The following PPHLN1 variants were observed in gnomAD, a reference collection of about 807,000 sequenced individuals.
PPHLN1 encodes periphilin 1, also known as periphilin-1.
In PPHLN1, 29 loss-of-function variants were observed where a neutral mutation model predicts 51.3. The observed-to-expected ratio is 0.57, with a 90% CI of 0.42 to 0.77. The LOEUF (loss-of-function observed/expected upper bound fraction) is 0.77. Ranked by LOEUF, PPHLN1 falls within the 30% of genes least tolerant of loss-of-function variation. The probability of loss-of-function intolerance (pLI) is 0.00; values close to 1 mark genes in which losing one functional copy is unlikely to be tolerated. For missense variants in PPHLN1, 436 were observed against 438.4 expected, an observed-to-expected ratio of 0.99 and a Z score of 0.05; for synonymous variants, 147 against 147.8, an observed-to-expected ratio of 0.99 and a Z score of 0.04.
intron 1 of PPHLN1, among the ~76,000 whole-genome samples, chr12:42,329,183 G>T (rs1004004730): frequency 6.6e-6 from 1 of 150,814 alleles, no homozygotes; most frequent in Non-Finnish European, 1.5e-5. Flanking sequence ...CTCACTGCAA[G>T]CTCCCCCTCC....
intron 9 of PPHLN1, among the ~76,000 whole-genome samples, chr12:42,417,284 A>C (rs903092302): frequency 4.6e-5 from 7 of 152,234 alleles, no homozygotes; most frequent in African/African-American, 1.4e-4. Context: ...CAGATATAGG[A>C]ACTAATCTTG....
intron 1 of PPHLN1, among the ~76,000 whole-genome samples, chr12:42,329,060 T>C (rs1292712012): frequency 1.3e-5 from 2 of 151,672 alleles, no homozygotes; most frequent in Admixed American, 6.6e-5. Flanking sequence ...ACTAATTATG[T>C]TCTAAAATTT....
chr12:42,359,084 T>C (rs1478965907), intron 4 of PPHLN1, among the ~76,000 whole-genome samples: 3 of 152,200 alleles, frequency 2.0e-5, no homozygotes, highest in African/African-American at 4.8e-5. Flanking sequence ...GATTCTGATA[T>C]ATAGTAATTT....
intron 4 of PPHLN1, among the ~76,000 whole-genome samples, chr12:42,362,226 T>A (rs919262454): frequency 1.3e-5 from 2 of 152,212 alleles, no homozygotes; most frequent in Non-Finnish European, 2.9e-5. Flanking sequence ...TGATTTTTTT[T>A]AACTGGGTTT....
intron 8 of PPHLN1, among the ~76,000 whole-genome samples, chr12:42,394,218 GT>G (rs1256750568): frequency 6.6e-6 from 1 of 152,030 alleles, no homozygotes; most frequent in Non-Finnish European, 1.5e-5. Context: ...TTTATGACAC[GT>G]TTGTATTAAC....
At chr12:42,426,172 CCA>C (rs71084653) in intron 9 of PPHLN1, among the ~76,000 whole-genome samples, 7,498 of 121,912 alleles carry the variant, frequency 0.062, 215 homozygotes, top group Admixed American at 0.073. Context: ...AGACTTGACA[CCA>C]CACACACACA....
At chr12:42,370,011 A>C in intron 4 of PPHLN1, among the ~76,000 whole-genome samples, 1 of 152,354 alleles carries the variant, frequency 6.6e-6, no homozygotes, top group Middle Eastern at 3.4e-3. Context: ...ATCCACAGGC[A>C]TGGCCAGGCC....
intron 2 of PPHLN1, among the ~76,000 whole-genome samples, chr12:42,351,010 G>T (rs2073278138): frequency 6.6e-6 from 1 of 151,938 alleles, no homozygotes; most frequent in African/African-American, 2.4e-5. Flanking sequence ...AGAGGGAGAG[G>T]GGGAGGGGAA....
intron 9 of PPHLN1, among the ~76,000 whole-genome samples, chr12:42,427,429 T>TG (rs1370706703): frequency 6.6e-6 from 1 of 152,068 alleles, no homozygotes; most frequent in African/African-American, 2.4e-5. Context: ...AGCACATAGA[T>TG]CAATGGAACA....
chr12:42,337,984 G>T (rs369564728), intron 2 of PPHLN1, among the ~76,000 whole-genome samples: 241 of 151,788 alleles, frequency 1.6e-3, no homozygotes, highest in African/African-American at 5.6e-3. Context: ...GGGTTTCACC[G>T]TGTTGGCCAG....
intron 2 of PPHLN1, 85 bp from the exon 3 acceptor site, chr12:42,351,800 A>T (rs1265379276): frequency 8.8e-7 from 1 of 1,135,384 alleles, no homozygotes; most frequent in Middle Eastern, 2.6e-4. Flanking sequence ...GATTAAGGGT[A>T]AGAACTCCTG....
chr12:42,430,695 T>C (rs1350391981), intron 9 of PPHLN1, among the ~76,000 whole-genome samples: 2 of 152,068 alleles, frequency 1.3e-5, no homozygotes, highest in African/African-American at 4.8e-5. Context: ...GGTTTCACCA[T>C]GTTGGCCAGT....
intron 9 of PPHLN1, among the ~76,000 whole-genome samples, chr12:42,407,588 G>A (rs1434148909): frequency 6.6e-6 from 1 of 152,212 alleles, no homozygotes; most frequent in African/African-American, 2.4e-5. Flanking sequence ...GGAAGTAAAT[G>A]TAGTGATTCC....
chr12:42,432,401 C>G, intron 9 of PPHLN1: 2 of 754,122 alleles, frequency 2.7e-6, no homozygotes, highest in Non-Finnish European at 5.0e-6. Flanking sequence ...TTGCACATTT[C>G]CAATGGTTTC....
chr12:42,349,734 A>G (rs976997787), intron 2 of PPHLN1, among the ~76,000 whole-genome samples: 6 of 152,130 alleles, frequency 3.9e-5, no homozygotes, highest in Admixed American at 3.3e-4. Flanking sequence ...GTAAGGTTAT[A>G]GATTAACAGC....
intron 2 of PPHLN1, among the ~76,000 whole-genome samples, chr12:42,350,490 T>C (rs2073157991): frequency 7.2e-6 from 1 of 139,482 alleles, no homozygotes; most frequent in Non-Finnish European, 1.5e-5. Flanking sequence ...AGTGGGCGAC[T>C]GGGCAGAGGG....
chr12:42,426,147 TTAAAG>T (rs1370841144), intron 9 of PPHLN1, among the ~76,000 whole-genome samples: 1 of 145,042 alleles, frequency 6.9e-6, no homozygotes, highest in East Asian at 2.1e-4. Flanking sequence ...CTTGAATAAC[TTAAAG>T]TACAGTATTA....
intron 7 of PPHLN1, among the ~76,000 whole-genome samples, chr12:42,392,462 A>G (rs535177322): frequency 5.1e-4 from 78 of 152,328 alleles, no homozygotes; most frequent in African/African-American, 1.8e-3. Flanking sequence ...TATATTTGGA[A>G]TCAGTGATGT....
At chr12:42,431,435 T>A (rs1263822622) in intron 9 of PPHLN1, among the ~76,000 whole-genome samples, 2 of 152,216 alleles carry the variant, frequency 1.3e-5, no homozygotes, top group South Asian at 2.1e-4. Flanking sequence ...AACTTTTTTT[T>A]AATGTTACAT....
Sources: allele counts gnomAD v4.1 joint callset (sites outside exome capture counted in the v4.1 genomes callset), GRCh38; gene constraint gnomAD v4.1.1; transcripts MANE v1.5; gene names NCBI Gene and HGNC (gene_info 2026-07-23, HGNC 2026-07-21).